The following ENTREP2 variants were observed in gnomAD, a reference collection of about 807,000 sequenced individuals.
The protein encoded by ENTREP2 is endosomal transmembrane epsin interactor 2.
At chr15:29,194,003 A>C in the ENTREP2 span, among the ~76,000 whole-genome samples, 1 of 152,382 alleles carries the variant, frequency 6.6e-6, no homozygotes, top group South Asian at 2.1e-4. Context: ...TGACTTAAAT[A>C]AATGAAGAAC....
chr15:29,462,615 C>CTAATAATAATAATAATAATAA, the ENTREP2 span, among the ~76,000 whole-genome samples: 1 of 151,456 alleles, frequency 6.6e-6, no homozygotes, highest in African/African-American at 2.4e-5. Flanking sequence ...GATCTCAAAA[C>CTAATAATAATAATAATAATAA]TAATAATAAT....
chr15:29,402,654 AAAG>A, the ENTREP2 span, among the ~76,000 whole-genome samples: 16 of 152,296 alleles, frequency 1.1e-4, no homozygotes, highest in East Asian at 5.8e-4. Context: ...ACACTAAGTG[AAAG>A]AAGAAGAAGG....
the ENTREP2 span, among the ~76,000 whole-genome samples, chr15:29,416,183 T>C: frequency 6.6e-6 from 1 of 152,072 alleles, no homozygotes; most frequent in South Asian, 2.1e-4. Flanking sequence ...GAGCCTGCAT[T>C]GCCAAGTCAA....
At chr15:29,491,973 G>A in the ENTREP2 span, among the ~76,000 whole-genome samples, 1 of 151,978 alleles carries the variant, frequency 6.6e-6, no homozygotes, top group African/African-American at 2.4e-5. Context: ...AAACACTCAG[G>A]ATGTCAAACT....
At chr15:29,135,916 C>G in the ENTREP2 span, among the ~76,000 whole-genome samples, 1 of 151,714 alleles carries the variant, frequency 6.6e-6, no homozygotes, top group African/African-American at 2.4e-5. This position sits in a 1 kb window ranked among gnomAD's most constrained non-coding sequence, Gnocchi z 7.4. Context: ...GGTACTCGGT[C>G]CATGGACCCA....
the ENTREP2 span, chr15:29,124,698 A>T: frequency 1.3e-6 from 2 of 1,550,572 alleles, no homozygotes; most frequent in Non-Finnish European, 1.7e-6. Context: ...GCTCCCAGGC[A>T]CAGCCTCAGA....
the ENTREP2 span, among the ~76,000 whole-genome samples, chr15:29,485,089 C>T: frequency 2.6e-5 from 4 of 152,156 alleles, no homozygotes; most frequent in African/African-American, 9.7e-5. Flanking sequence ...GCAGAGTAGG[C>T]AGCTCCAAGG....
chr15:29,651,648 C>T, the ENTREP2 span, among the ~76,000 whole-genome samples: 1 of 152,236 alleles, frequency 6.6e-6, no homozygotes, highest in Non-Finnish European at 1.5e-5. Context: ...AGCTCAGCAC[C>T]CTCTCTGATC....
chr15:29,455,486 A>G, the ENTREP2 span, among the ~76,000 whole-genome samples: 1 of 152,190 alleles, frequency 6.6e-6, no homozygotes, highest in Admixed American at 6.5e-5. Context: ...GATCATACAT[A>G]TTTCTTAACA....
At chr15:29,247,649 T>C in the ENTREP2 span, among the ~76,000 whole-genome samples, 1 of 152,150 alleles carries the variant, frequency 6.6e-6, no homozygotes, top group African/African-American at 2.4e-5. Context: ...GAGTTGATAT[T>C]GGTTGTTTCT....
At chr15:29,313,516 T>G in the ENTREP2 span, among the ~76,000 whole-genome samples, 2 of 152,168 alleles carry the variant, frequency 1.3e-5, no homozygotes, top group Non-Finnish European at 2.9e-5. Context: ...GCACTAGAAC[T>G]AGCCCAACAA....
At chr15:29,592,025 G>A in the ENTREP2 span, among the ~76,000 whole-genome samples, 2 of 152,190 alleles carry the variant, frequency 1.3e-5, no homozygotes, top group African/African-American at 2.4e-5. Flanking sequence ...CAGAGAAAGC[G>A]TGGCCCTCCT....
At chr15:29,403,757 T>C in the ENTREP2 span, among the ~76,000 whole-genome samples, 1 of 152,216 alleles carries the variant, frequency 6.6e-6, no homozygotes, top group Non-Finnish European at 1.5e-5. Context: ...ACCCAGAGGC[T>C]GTGCTCCCAT....
chr15:29,250,640 G>A, the ENTREP2 span, among the ~76,000 whole-genome samples: 3 of 152,034 alleles, frequency 2.0e-5, no homozygotes, highest in Non-Finnish European at 4.4e-5. Flanking sequence ...CAATCACTCT[G>A]TCTCCCCCAC....
the ENTREP2 span, among the ~76,000 whole-genome samples, chr15:29,172,546 G>A: frequency 6.6e-6 from 1 of 152,122 alleles, no homozygotes; most frequent in Non-Finnish European, 1.5e-5. Context: ...TTGCTGGAGT[G>A]CAATAAGTAG....
chr15:29,601,075 T>A, the ENTREP2 span, among the ~76,000 whole-genome samples: 1 of 150,864 alleles, frequency 6.6e-6, no homozygotes, highest in South Asian at 2.1e-4. Context: ...TTTTTTGTAT[T>A]TTCAGTAGAG....
chr15:29,258,212 C>CAAAAAAAAAA, the ENTREP2 span, among the ~76,000 whole-genome samples: 1 of 118,330 alleles, frequency 8.5e-6, no homozygotes, highest in African/African-American at 3.3e-5. Context: ...GGCTCAGTCT[C>CAAAAAAAAAA]AAAAAAAAAA....
At chr15:29,513,161 T>A in the ENTREP2 span, among the ~76,000 whole-genome samples, 1 of 152,128 alleles carries the variant, frequency 6.6e-6, no homozygotes, top group Non-Finnish European at 1.5e-5. Flanking sequence ...GTTTTACATA[T>A]GCTCTCCCTG....
At chr15:29,466,708 A>AG in the ENTREP2 span, among the ~76,000 whole-genome samples, 6 of 116,038 alleles carry the variant, frequency 5.2e-5, no homozygotes, top group African/African-American at 2.1e-4. Context: ...TGATGGCCCC[A>AG]GGGGAGGGCC....
Sources: allele counts gnomAD v4.1 joint callset (sites outside exome capture counted in the v4.1 genomes callset), GRCh38; gene constraint gnomAD v4.1.1; non-coding constraint Gnocchi (gnomAD v3.1); transcripts MANE v1.5; gene names NCBI Gene and HGNC (gene_info 2026-07-23, HGNC 2026-07-21).